The following AKAP13 variants were observed in gnomAD, a reference collection of about 807,000 sequenced individuals.
AKAP13 encodes A-kinase anchor protein 13.
A neutral mutation model predicts 264.5 loss-of-function variants in AKAP13; 80 were observed. That is an observed-to-expected ratio of 0.30 (90% confidence interval 0.25 to 0.36). The LOEUF (loss-of-function observed/expected upper bound fraction) is 0.36. Among genes scored for constraint, AKAP13 ranks in the 10% least tolerant of loss-of-function variants. The pLI, the probability that AKAP13 is intolerant of heterozygous loss-of-function variation, is 1.00. For missense variants in AKAP13, 3,712 were observed against 3,435.2 expected (o/e 1.08, Z -2.01); for synonymous variants, 1,380 against 1,250.2 (o/e 1.10, Z -2.19).
At chr15:85,564,113 G>GT (rs1366228310) in intron 5 of AKAP13, among the ~76,000 whole-genome samples, 3 of 152,132 alleles carry the variant, frequency 2.0e-5, no homozygotes, top group Admixed American at 6.5e-5. Flanking sequence ...GTCAGTATCT[G>GT]TTTAAGTAGA....
intron 13 of AKAP13, among the ~76,000 whole-genome samples, chr15:85,667,899 T>A (rs1476367987): frequency 6.6e-6 from 1 of 152,256 alleles, no homozygotes; most frequent in Non-Finnish European, 1.5e-5. Context: ...AAGACGTTAC[T>A]ACTACTGATG....
chr15:85,399,611 C>G (rs192290403), intron 1 of AKAP13, among the ~76,000 whole-genome samples: 47 of 149,962 alleles, frequency 3.1e-4, no homozygotes, highest in South Asian at 2.5e-3. Flanking sequence ...TACTGGCAAC[C>G]AAAGAAAAAA....
At chr15:85,507,996 C>T (rs2076290806) in intron 2 of AKAP13, among the ~76,000 whole-genome samples, 1 of 151,940 alleles carries the variant, frequency 6.6e-6, no homozygotes, top group African/African-American at 2.4e-5. Context: ...GGTCCCTCCT[C>T]CTTTTCTCTG....
chr15:85,643,004 A>C (rs1428003992), intron 9 of AKAP13, among the ~76,000 whole-genome samples: 1 of 145,748 alleles, frequency 6.9e-6, no homozygotes, highest in South Asian at 2.2e-4. Flanking sequence ...AGGTTACTAC[A>C]TACTCTAGGA....
intron 4 of AKAP13, among the ~76,000 whole-genome samples, chr15:85,542,311 C>T (rs928856186): frequency 3.3e-5 from 5 of 152,080 alleles, no homozygotes; most frequent in Admixed American, 1.3e-4. Flanking sequence ...TTGGTCTATG[C>T]ATATACAGTT....
chr15:85,723,833 G>A (rs779616765), intron 26 of AKAP13, among the ~76,000 whole-genome samples: 1 of 152,078 alleles, frequency 6.6e-6, no homozygotes, highest in East Asian at 1.9e-4. Flanking sequence ...TTTTTTTATT[G>A]TTATAATTTA....
Position 85,694,606 on chromosome 15 carries a change from A to G in AKAP13, c.5464+1155A>G, listed in dbSNP as rs539269766. 2.6e-5 allele frequency among the ~76,000 whole-genome samples: 4 copies of G among 152,358 alleles called. No homozygotes were observed. The East Asian group carries it at 7.7e-4, about 29-fold the overall frequency. ...ATAGGCTTCAAGCCACATTTAGCCC[A>G]CAGACCATAATTTGCACGTTTTTGC... is the stretch of plus-strand genomic sequence containing the variant. On this transcript the variant is annotated intron_variant, in intron 17 of 36. Transcript: ENST00000394518.
At chr15:85,503,328 T>A (rs144962945) in intron 2 of AKAP13, among the ~76,000 whole-genome samples, 1 of 152,204 alleles carries the variant, frequency 6.6e-6, no homozygotes, top group Non-Finnish European at 1.5e-5. Context: ...AATACACAGC[T>A]GGTAACAAGG....
At chr15:85,456,676 G>A (rs942324717) in intron 1 of AKAP13, among the ~76,000 whole-genome samples, 2 of 151,048 alleles carry the variant, frequency 1.3e-5, no homozygotes, top group African/African-American at 2.4e-5. Context: ...TCAGCCTCCC[G>A]AGTAGCTGGG....
At chr15:85,503,074 C>G (rs140042613) in intron 2 of AKAP13, among the ~76,000 whole-genome samples, 78 of 152,270 alleles carry the variant, frequency 5.1e-4, no homozygotes, top group African/African-American at 1.8e-3. Flanking sequence ...ATGCTACGTA[C>G]TTGGTATACC....
chr15:85,555,571 A>G (rs947949700), intron 5 of AKAP13: 204 of 975,496 alleles, frequency 2.1e-4, no homozygotes, highest in Non-Finnish European at 2.6e-4. Context: ...TTTTGCTGTA[A>G]CTCAACCTGA....
intron 1 of AKAP13, among the ~76,000 whole-genome samples, chr15:85,434,316 T>G (rs903518761): frequency 3.3e-5 from 5 of 150,334 alleles, no homozygotes; most frequent in South Asian, 2.2e-4. Context: ...GCTCGGAGGG[T>G]CCTACGCCCA....
At chr15:85,663,152 A>G (rs1446408198) in intron 12 of AKAP13, among the ~76,000 whole-genome samples, 1 of 152,164 alleles carries the variant, frequency 6.6e-6, no homozygotes. Flanking sequence ...TCTACTAAAA[A>G]TACAAAAATT....
At position 85,393,295 on chromosome 15, in the gene AKAP13, G is replaced by T. The variant is rs2070955749; in HGVS notation, c.-12+12497G>T. Reference sequence around the variant, plus strand: ...CTATAGATGAGACTTTGCAGTTTGGGAGTTATTTGGGGAAAAAATACGGTA... The same window carrying T: ...CTATAGATGAGACTTTGCAGTTTGGTAGTTATTTGGGGAAAAAATACGGTA... On this transcript the variant is annotated intron_variant, in intron 1 of 36. Transcript: ENST00000394518. Among the ~76,000 whole-genome samples the T allele has an allele frequency of 2.0e-5, 3 of 152,214 alleles. No homozygotes were observed. The South Asian group carries it at 6.2e-4, about 31-fold the overall frequency.
Position 85,727,287 on chromosome 15 carries a change from G to A in AKAP13, c.7004+40G>A. The A allele has an allele frequency of 6.2e-7, 1 of 1,613,080 alleles. No individual in the cohort carries two copies. Among genetic ancestry groups the A allele is most frequent in the Non-Finnish European group, 8.5e-7 (1 of 1,179,342 alleles). Reference sequence around the variant, plus strand: ...AGGCCCCACCCTTCCCAGCCCTCCTGATGTCTCTGTGTGATTTCATAACAG... The same window carrying A: ...AGGCCCCACCCTTCCCAGCCCTCCTAATGTCTCTGTGTGATTTCATAACAG... On this transcript the variant is annotated intron_variant, in intron 28 of 36. Transcript: ENST00000394518. This position sits in a 1 kb window ranked among gnomAD's most constrained non-coding sequence, Gnocchi z 5.3.
At chr15:85,599,111 G>A (rs1257336732) in intron 8 of AKAP13, among the ~76,000 whole-genome samples, 1 of 152,174 alleles carries the variant, frequency 6.6e-6, no homozygotes, top group Non-Finnish European at 1.5e-5. Context: ...GAAATCTGGT[G>A]CTGTATCTGC....
chr15:85,735,689 C>G (rs2088418759), intron 32 of AKAP13, 59 bp downstream of exon 32: 19 of 1,483,026 alleles, frequency 1.3e-5, no homozygotes, highest in Non-Finnish European at 1.5e-5. Context: ...AATTCATAAC[C>G]TTTGAAATTA....
chr15:85,723,499 C>T (rs2087418005), intron 26 of AKAP13, among the ~76,000 whole-genome samples, 179 bp downstream of exon 26: 1 of 151,928 alleles, frequency 6.6e-6, no homozygotes, highest in Admixed American at 6.6e-5. Flanking sequence ...TTTGTGATGG[C>T]CTGCAAAATC....
intron 1 of AKAP13, among the ~76,000 whole-genome samples, chr15:85,409,724 G>A (rs1284934903): frequency 6.7e-6 from 1 of 149,040 alleles, no homozygotes; most frequent in Non-Finnish European, 1.5e-5. Context: ...TCCGCCTCCT[G>A]GGTACACGCC....
Sources: gnomAD v4.1 joint callset for allele counts (sites outside exome capture counted in the v4.1 genomes callset) on GRCh38, gnomAD v4.1.1 for gene constraint, Gnocchi (gnomAD v3.1) non-coding constraint, MANE v1.5 for transcripts, NCBI Gene and HGNC (gene_info 2026-07-23, HGNC 2026-07-21) for gene names.